The following SHQ1 variants were observed in gnomAD, a reference collection of about 807,000 sequenced individuals.
The protein encoded by SHQ1 is SHQ1, H/ACA ribonucleoprotein assembly factor, also known as protein SHQ1 homolog.
SHQ1 carries 49 observed loss-of-function variants against 53.8 expected under a neutral mutation model. The ratio of observed to expected loss-of-function variants is 0.91; its 90% confidence interval spans 0.72 to 1.16. The LOEUF (loss-of-function observed/expected upper bound fraction) is 1.16, where lower values mean the gene tolerates loss of function less well. Among genes scored for constraint, SHQ1 ranks in the 50% most tolerant of loss-of-function variants. The pLI, the probability that SHQ1 is intolerant of heterozygous loss-of-function variation, is 0.00. For synonymous variants in SHQ1, 243 were observed against 251.0 expected (o/e 0.97, Z 0.30); for missense variants, 738 against 683.1 (o/e 1.08, Z -0.90).
intron 10 of SHQ1, among the ~76,000 whole-genome samples, chr3:72,782,102 A>T (rs1370403751): frequency 6.6e-6 from 1 of 152,220 alleles, no homozygotes; most frequent in African/African-American, 2.4e-5. Flanking sequence ...GAAAGTCCTA[A>T]TTTATCACTT....
intron 9 of SHQ1, among the ~76,000 whole-genome samples, chr3:72,805,264 G>A (rs1298179753): frequency 2.6e-5 from 4 of 152,284 alleles, no homozygotes; most frequent in South Asian, 4.1e-4. Flanking sequence ...ACTGAAAGTC[G>A]TTATGTGGTA....
At chr3:72,743,769 C>A in the SHQ1 span, among the ~76,000 whole-genome samples, 1 of 152,174 alleles carries the variant, frequency 6.6e-6, no homozygotes, top group Non-Finnish European at 1.5e-5. Context: ...GAAACAGATA[C>A]TTAAGTCTGT....
chr3:72,823,582 T>G (rs1707552603), intron 6 of SHQ1, among the ~76,000 whole-genome samples: 1 of 152,202 alleles, frequency 6.6e-6, no homozygotes, highest in South Asian at 2.1e-4. Flanking sequence ...TATGTAATCA[T>G]GAAAAGCTTC....
intron 10 of SHQ1, among the ~76,000 whole-genome samples, chr3:72,781,953 T>C (rs988658504): frequency 6.6e-6 from 1 of 152,134 alleles, no homozygotes; most frequent in Admixed American, 6.5e-5. Flanking sequence ...CTGGAAAAAG[T>C]GGACCTCCAT....
At chr3:72,738,982 G>T in the SHQ1 span, among the ~76,000 whole-genome samples, 2 of 152,230 alleles carry the variant, frequency 1.3e-5, no homozygotes, top group African/African-American at 4.8e-5. Context: ...GGAGAGCTGG[G>T]TGGTTATGCC....
chr3:72,842,484 T>G, intron 2 of SHQ1, 82 bp from the exon 3 acceptor site: 1 of 1,304,606 alleles, frequency 7.7e-7, no homozygotes, highest in East Asian at 2.6e-5. Context: ...ATCCCAATAC[T>G]CTGGCAGTCT....
At chr3:72,840,849 G>A (rs1175128233) in intron 4 of SHQ1, among the ~76,000 whole-genome samples, 196 bp downstream of exon 4, 2 of 152,148 alleles carry the variant, frequency 1.3e-5, no homozygotes, top group Admixed American at 1.3e-4. Context: ...GTCTGTAAGA[G>A]CAGTACAGTT....
chr3:72,788,092 G>C (rs1440025491), intron 10 of SHQ1, among the ~76,000 whole-genome samples: 3 of 152,300 alleles, frequency 2.0e-5, no homozygotes, highest in Non-Finnish European at 4.4e-5. Context: ...TGCCTGCCTT[G>C]GCCTCCCAAA....
intron 9 of SHQ1, chr3:72,809,610 T>A (rs778889952): frequency 6.6e-6 from 1 of 152,130 alleles, no homozygotes; most frequent in Non-Finnish European, 1.5e-5. Flanking sequence ...CTAAATTACA[T>A]AAATAACGTA....
intron 10 of SHQ1, among the ~76,000 whole-genome samples, chr3:72,752,002 T>TGAC (rs2106701211): frequency 6.6e-6 from 1 of 152,332 alleles, no homozygotes; most frequent in Non-Finnish European, 1.5e-5. Context: ...ATGTCATGTA[T>TGAC]GACATAGGTC....
At chr3:72,783,191 T>C (rs994997962) in intron 10 of SHQ1, among the ~76,000 whole-genome samples, 1 of 152,100 alleles carries the variant, frequency 6.6e-6, no homozygotes, top group African/African-American at 2.4e-5. Context: ...GCCACAGCTA[T>C]AAAATGGGCT....
In SHQ1 at chr3:72,842,298, G is replaced by C; in HGVS notation, c.313C>G (p.Pro105Ala). The C allele has an allele frequency of 3.7e-6, 6 of 1,613,378 alleles. No homozygotes were observed. The highest frequency in any genetic ancestry group is 5.1e-6 in the Non-Finnish European group (6 of 1,179,638). Reference sequence around the variant, plus strand: ...AACATACCTATTTCTTCCACAAGTGGTTTTGCTGTCCTGGATTTTCTTGGT... The same window carrying C: ...AACATACCTATTTCTTCCACAAGTGCTTTTGCTGTCCTGGATTTTCTTGGT... ...LAPRKSRTAK[P>A]LVEEIGASEI... is the part of the protein sequence containing the mutation. The change falls in exon 3 of 11, where the codon CCA (proline) becomes GCA (alanine). Residue 105 changes from proline (P) to alanine (A), a missense_variant. Transcript: ENST00000325599.
intron 4 of SHQ1, among the ~76,000 whole-genome samples, chr3:72,833,508 A>AT (rs1559696388): frequency 4.3e-4 from 18 of 41,470 alleles, no homozygotes; most frequent in East Asian, 3.3e-3. Context: ...ATAGACAGAC[A>AT]GACAGACAGA....
intron 10 of SHQ1, among the ~76,000 whole-genome samples, chr3:72,763,501 T>G (rs1358139230): frequency 6.6e-6 from 1 of 152,208 alleles, no homozygotes; most frequent in African/African-American, 2.4e-5. Context: ...ACTGTGTCCC[T>G]GACAAAGATG....
intron 10 of SHQ1, among the ~76,000 whole-genome samples, chr3:72,780,205 C>T (rs1706043162): frequency 6.6e-6 from 1 of 152,202 alleles, no homozygotes; most frequent in African/African-American, 2.4e-5. Context: ...ATATGTAGTG[C>T]TGCCACATTC....
intron 9 of SHQ1, among the ~76,000 whole-genome samples, chr3:72,807,238 A>T (rs1706980931): frequency 6.6e-6 from 1 of 152,002 alleles, no homozygotes; most frequent in Admixed American, 6.6e-5. Context: ...TTATATTTTC[A>T]CTCTCCATAT....
At chr3:72,788,578 G>A (rs1311536939) in intron 10 of SHQ1, among the ~76,000 whole-genome samples, 2 of 152,226 alleles carry the variant, frequency 1.3e-5, no homozygotes, top group African/African-American at 4.8e-5. Context: ...TCTGGGAGGT[G>A]TACCCAATAG....
the SHQ1 span, among the ~76,000 whole-genome samples, chr3:72,741,893 A>G: frequency 1.9e-3 from 291 of 152,338 alleles, 2 homozygotes; most frequent in African/African-American, 6.6e-3. Flanking sequence ...TGTATTAGGT[A>G]TTATAAGTAA....
chr3:72,763,952 C>T (rs1705664034), intron 10 of SHQ1, among the ~76,000 whole-genome samples: 1 of 151,896 alleles, frequency 6.6e-6, no homozygotes, highest in African/African-American at 2.4e-5. Flanking sequence ...GATGAAGATC[C>T]TTACAGCAGA....
Sources: allele counts gnomAD v4.1 joint callset (sites outside exome capture counted in the v4.1 genomes callset), GRCh38; gene constraint gnomAD v4.1.1; transcripts MANE v1.5; gene names NCBI Gene and HGNC (gene_info 2026-07-23, HGNC 2026-07-21).